Variants in NTRK2 observed in about 807,000 individuals in gnomAD.
NTRK2 encodes the protein neurotrophic receptor tyrosine kinase 2, also known as BDNF/NT-3 growth factors receptor.
In NTRK2, 13 loss-of-function variants were observed where a neutral mutation model predicts 94.5. That is an observed-to-expected ratio of 0.14 (90% CI 0.09 to 0.22). NTRK2 has a LOEUF of 0.22. NTRK2 is among the 10% of genes least tolerant of loss of function. The pLI is 1.00. For missense variants in NTRK2, 639 were observed against 1,071.2 expected, an observed-to-expected ratio of 0.60 and a Z score of 5.63; for synonymous variants, 372 against 407.4, an observed-to-expected ratio of 0.91 and a Z score of 1.05.
intron 17 of NTRK2, among the ~76,000 whole-genome samples, chr9:84,959,640 C>T (rs188818361): frequency 1.2e-4 from 19 of 152,372 alleles, no homozygotes; most frequent in Admixed American, 1.0e-3. Flanking sequence ...GCATTGAAAC[C>T]AGCCCAACAT....
rs149152899 is a variant in NTRK2, at chr9:84,742,823, C to T, written c.1195+896C>T. ...TTTTTTTTTTTTTTTTTTTCCGAGA[C>T]GGAGTCTCACTTTGTTGCCCAGGCT... On this transcript the variant is annotated intron_variant, in intron 10 of 18. Coordinates refer to ENST00000277120, the MANE Select transcript of NTRK2 (RefSeq NM_006180.6). 2.1e-4 allele frequency among the ~76,000 whole-genome samples: 23 copies of T among 111,718 alleles called. No individual in the cohort carries two copies. The East Asian group carries it at 3.9e-3, about 19-fold the overall frequency. 73.3% of individuals were successfully genotyped at this position (111,718 alleles called of 152,430 possible).
Position 84,742,961 on chromosome 9 carries a change from C to T in NTRK2, c.1195+1034C>T, listed in dbSNP as rs117766443. ...GATTACAAGCACGTGCCACCACACTCGGCTAATTCTTATATTTTTAGTTAA... is the reference window on the plus strand; with the variant it reads ...GATTACAAGCACGTGCCACCACACTTGGCTAATTCTTATATTTTTAGTTAA... On this transcript the variant is annotated intron_variant, in intron 10 of 18. Transcript: ENST00000277120. 3.4e-3 allele frequency among the ~76,000 whole-genome samples: 500 copies of T among 145,768 alleles called. 2 individuals are homozygous for T. Among genetic ancestry groups the T allele is most frequent in the Admixed American group, 6.9e-3 (98 of 14,268 alleles).
At chr9:84,781,165 G>C (rs1239380270) in intron 12 of NTRK2, among the ~76,000 whole-genome samples, 1 of 152,116 alleles carries the variant, frequency 6.6e-6, no homozygotes, top group Non-Finnish European at 1.5e-5. Context: ...AACCTTATGT[G>C]TACAAAGTAA....
At chr9:84,684,518 A>G (rs1005315571) in intron 2 of NTRK2, among the ~76,000 whole-genome samples, 3 of 152,150 alleles carry the variant, frequency 2.0e-5, no homozygotes, top group African/African-American at 7.2e-5. Context: ...GTGTGATGTT[A>G]TTTCTGAGGC....
intron 14 of NTRK2, among the ~76,000 whole-genome samples, chr9:84,868,687 G>A (rs1486535822): frequency 6.6e-6 from 1 of 152,130 alleles, no homozygotes; most frequent in Non-Finnish European, 1.5e-5. Context: ...AAGGTGAGTA[G>A]AGGCATTGCT....
chr9:84,761,139 G>A (rs2065527855), intron 12 of NTRK2, among the ~76,000 whole-genome samples: 1 of 152,192 alleles, frequency 6.6e-6, no homozygotes, highest in African/African-American at 2.4e-5. Flanking sequence ...TTAGTGGCCT[G>A]AGGACAAAGA....
chr9:84,972,623 G>T (rs1174330162), intron 17 of NTRK2, among the ~76,000 whole-genome samples: 1 of 152,188 alleles, frequency 6.6e-6, no homozygotes, highest in Admixed American at 6.5e-5. Flanking sequence ...GAAAAACTTT[G>T]ATGTGTTTTT....
intron 17 of NTRK2, among the ~76,000 whole-genome samples, chr9:84,980,993 G>C (rs569189087): frequency 6.6e-6 from 1 of 152,314 alleles, no homozygotes; most frequent in East Asian, 1.9e-4. Context: ...GGAATAAACA[G>C]ATGGCAAAAT....
At chr9:85,017,913 G>A (rs1157156119) in intron 17 of NTRK2, among the ~76,000 whole-genome samples, 2 of 152,172 alleles carry the variant, frequency 1.3e-5, no homozygotes, top group African/African-American at 4.8e-5. Context: ...GATGAAATGA[G>A]CTCTTCTTTA....
chr9:84,935,011 A>G (rs372771867), intron 15 of NTRK2, among the ~76,000 whole-genome samples: 13 of 152,354 alleles, frequency 8.5e-5, no homozygotes, highest in African/African-American at 3.1e-4. Context: ...AATTAACAAA[A>G]ATAGCACAAA....
At chr9:84,669,136 G>C (rs542957413), upstream of NTRK2, among the ~76,000 whole-genome samples, 2 of 152,302 alleles carry the variant, frequency 1.3e-5, no homozygotes, top group Non-Finnish European at 2.9e-5. This position sits in a 1 kb window ranked among gnomAD's most constrained non-coding sequence, Gnocchi z 4.1. Context: ...GGCCCGGAAT[G>C]GGGGCGGTGA....
intron 17 of NTRK2, among the ~76,000 whole-genome samples, chr9:85,004,124 A>AAGGAAGGGAGGAAGTGAGGAAGGGAGTG: frequency 6.7e-6 from 1 of 149,984 alleles, no homozygotes; most frequent in Middle Eastern, 3.4e-3. Flanking sequence ...GGGAGTGAGG[A>AAGGAAGGGAGGAAGTGAGGAAGGGAGTG]AGGAAGGAAG....
intron 5 of NTRK2, among the ~76,000 whole-genome samples, chr9:84,708,273 T>C (rs932705866): frequency 3.3e-5 from 5 of 152,136 alleles, no homozygotes; most frequent in African/African-American, 1.2e-4. Context: ...TCCTGTTGGA[T>C]CCAGGCCCTA....
chr9:84,931,416 A>AAGAGAG (rs60534679), intron 14 of NTRK2, among the ~76,000 whole-genome samples: 18 of 147,820 alleles, frequency 1.2e-4, no homozygotes, highest in African/African-American at 3.3e-4. Flanking sequence ...CAAAAAAAAA[A>AAGAGAG]AGAGAGAGAG....
At chr9:84,684,540 T>C (rs960583514) in intron 2 of NTRK2, among the ~76,000 whole-genome samples, 13 of 152,200 alleles carry the variant, frequency 8.5e-5, no homozygotes, top group African/African-American at 2.9e-4. Flanking sequence ...CAGTAATATT[T>C]GTGATTTTTA....
chr9:84,781,351 A>G (rs2067543424), intron 12 of NTRK2, among the ~76,000 whole-genome samples: 1 of 152,118 alleles, frequency 6.6e-6, no homozygotes, highest in South Asian at 2.1e-4. Flanking sequence ...TTTTATGTAT[A>G]TGTTTTGTTG....
At chr9:84,681,963 T>C (rs1487654154) in intron 2 of NTRK2, among the ~76,000 whole-genome samples, 1 of 152,202 alleles carries the variant, frequency 6.6e-6, no homozygotes, top group Non-Finnish European at 1.5e-5. Context: ...GAACAAATTA[T>C]AACTGGAAGC....
chr9:84,874,084 C>G, intron 14 of NTRK2: 1 of 1,064,508 alleles, frequency 9.4e-7, no homozygotes, highest in Non-Finnish European at 1.1e-6. Context: ...TCCCAAGGCC[C>G]AGCCTGACTG....
At chr9:84,871,069 A>G (rs2075846661) in intron 14 of NTRK2, among the ~76,000 whole-genome samples, 1 of 152,210 alleles carries the variant, frequency 6.6e-6, no homozygotes, top group Non-Finnish European at 1.5e-5. Context: ...AGATCTCTTG[A>G]AAATGATGGC....
Sources: gnomAD v4.1 joint callset for allele counts (sites outside exome capture counted in the v4.1 genomes callset) on GRCh38, gnomAD v4.1.1 for gene constraint, Gnocchi (gnomAD v3.1) non-coding constraint, MANE v1.5 for transcripts, NCBI Gene and HGNC (gene_info 2026-07-23, HGNC 2026-07-21) for gene names.